Variants in ZNF438 observed in about 807,000 individuals in gnomAD.
ZNF438 encodes zinc finger protein 438.
ZNF438 carries 25 observed loss-of-function variants against 38.0 expected under a neutral mutation model. The ratio of observed to expected loss-of-function variants is 0.66; its 90% CI spans 0.48 to 0.92. The LOEUF (loss-of-function observed/expected upper bound fraction) is 0.92, where lower values mean the gene tolerates loss of function less well. Ranked by LOEUF, ZNF438 falls within the 40% of genes least tolerant of loss-of-function variation. ZNF438 has a pLI of 0.00. For missense variants in ZNF438, 1,007 were observed against 999.6 expected, an observed-to-expected ratio of 1.01 and a Z score of -0.10; for synonymous variants, 372 against 364.1, an observed-to-expected ratio of 1.02 and a Z score of -0.25.
chr10:30,901,127 C>T (rs1378360243), intron 3 of ZNF438, among the ~76,000 whole-genome samples: 2 of 151,482 alleles, frequency 1.3e-5, no homozygotes, highest in Non-Finnish European at 2.9e-5. Flanking sequence ...AGGAAGTCGC[C>T]TTTCTTATAA....
chr10:31,000,593 A>G (rs2054549525), intron 1 of ZNF438, among the ~76,000 whole-genome samples: 1 of 152,134 alleles, frequency 6.6e-6, no homozygotes, highest in African/African-American at 2.4e-5. Context: ...ATGGCTTCTT[A>G]GCTGACCTCA....
intron 1 of ZNF438, among the ~76,000 whole-genome samples, chr10:30,947,204 T>C (rs148384005): frequency 6.4e-4 from 98 of 152,308 alleles, no homozygotes; most frequent in African/African-American, 2.2e-3. Context: ...CATTCTCGAG[T>C]TGAAGGCCAC....
At chr10:30,907,885 C>T (rs956878891) in intron 3 of ZNF438, among the ~76,000 whole-genome samples, 24 of 151,906 alleles carry the variant, frequency 1.6e-4, no homozygotes, top group Non-Finnish European at 3.1e-4. Flanking sequence ...GTTTGCTCTT[C>T]TTTTTCTAGG....
At chr10:30,956,606 C>T (rs1464676901) in intron 1 of ZNF438, among the ~76,000 whole-genome samples, 2 of 152,136 alleles carry the variant, frequency 1.3e-5, no homozygotes, top group African/African-American at 4.8e-5. Context: ...CTACTTTCTA[C>T]TTCTATGAGA....
intron 4 of ZNF438, among the ~76,000 whole-genome samples, chr10:30,866,225 G>A (rs2036411066): frequency 6.6e-6 from 1 of 152,158 alleles, no homozygotes; most frequent in South Asian, 2.1e-4. Context: ...TAGGACTGTT[G>A]TTCTGAGGAC....
At chr10:31,010,019 T>C (rs2055525074) in intron 1 of ZNF438, among the ~76,000 whole-genome samples, 1 of 152,018 alleles carries the variant, frequency 6.6e-6, no homozygotes, top group Non-Finnish European at 1.5e-5. Flanking sequence ...CGGCTAATTT[T>C]TGTATTTTTA....
intron 1 of ZNF438, among the ~76,000 whole-genome samples, chr10:30,948,593 C>T (rs1241540927): frequency 1.8e-4 from 27 of 149,520 alleles, no homozygotes; most frequent in African/African-American, 5.6e-4. Context: ...TCGAGAACTA[C>T]GTGAAGAATG....
rs779119154 is a variant in ZNF438 at position 30,848,644 on chromosome 10, T to C, written c.1761A>G (p.Lys587=). 26 of 1,614,124 alleles carry C rather than the reference T, an allele frequency of 1.6e-5. No individual in the cohort carries two copies. The African/African-American group carries it at 3.3e-4, about 21-fold the overall frequency. Residue 587 remains lysine, a synonymous_variant, in exon 5 of 6, where the codon AAA becomes AAG. Coordinates refer to ENST00000413025, the Ensembl canonical transcript of ZNF438. ...TGCTGATCACAACCCTATGCACTTC[T>C]TTCAGATGGCCAAAATAGACTCGGA...
At chr10:30,935,711 G>C (rs779917102) in intron 2 of ZNF438, among the ~76,000 whole-genome samples, 1 of 152,164 alleles carries the variant, frequency 6.6e-6, no homozygotes, top group Non-Finnish European at 1.5e-5. Context: ...CCATGTAGCT[G>C]GAGAGGCCTC....
chr10:30,949,415 G>T (rs938531329), intron 1 of ZNF438, among the ~76,000 whole-genome samples: 1 of 152,172 alleles, frequency 6.6e-6, no homozygotes, highest in Non-Finnish European at 1.5e-5. Context: ...AACTTTAAAT[G>T]TAAATGGACT....
chr10:31,006,448 G>A lies in ZNF438; in HGVS notation c.-192+25385C>T, dbSNP rs558360061. Reference sequence around the variant, plus strand: ...GCAAATGGTGGTACACCCAGGGAGGGCAAGGGAGTTCCTTGCCCCTTCCAC... The same window carrying A: ...GCAAATGGTGGTACACCCAGGGAGGACAAGGGAGTTCCTTGCCCCTTCCAC... On this transcript the variant is annotated intron_variant, in intron 1 of 5. Transcript: ENST00000413025. Among the ~76,000 whole-genome samples, 6 of 152,220 alleles carry A rather than the reference G, an allele frequency of 3.9e-5. No homozygotes were observed. The East Asian group carries it at 1.2e-3, about 29-fold the overall frequency.
intron 2 of ZNF438, among the ~76,000 whole-genome samples, chr10:30,926,982 A>C (rs1389557343): frequency 6.6e-6 from 1 of 152,244 alleles, no homozygotes; most frequent in African/African-American, 2.4e-5. Flanking sequence ...GAATAAAAAT[A>C]AGGAAACAAA....
chr10:30,928,600 C>A (rs116169011), intron 2 of ZNF438, among the ~76,000 whole-genome samples: 2,160 of 149,936 alleles, frequency 0.014, 59 homozygotes, highest in African/African-American at 0.05. Flanking sequence ...ACCCTGCTAT[C>A]AATTTGAGTA....
intron 4 of ZNF438, chr10:30,857,665 G>A (rs2034892793): frequency 2.7e-6 from 4 of 1,501,760 alleles, no homozygotes; most frequent in Non-Finnish European, 3.6e-6. Context: ...TTTTATATTT[G>A]AATTTGCCAC....
intron 2 of ZNF438, among the ~76,000 whole-genome samples, chr10:30,925,670 A>G (rs935997815): frequency 3.9e-5 from 6 of 152,160 alleles, no homozygotes; most frequent in South Asian, 2.1e-4. Flanking sequence ...GTTCTCCCCA[A>G]TAGAATGTCA....
chr10:30,924,799 G>A (rs924778897), intron 2 of ZNF438, among the ~76,000 whole-genome samples: 1 of 152,184 alleles, frequency 6.6e-6, no homozygotes, highest in Non-Finnish European at 1.5e-5. Context: ...TGAATGCAAT[G>A]TGGTATCCTG....
At chr10:30,962,893 C>G (rs898242620) in intron 1 of ZNF438, among the ~76,000 whole-genome samples, 2 of 152,116 alleles carry the variant, frequency 1.3e-5, no homozygotes, top group Non-Finnish European at 2.9e-5. Context: ...GGTTTCGTTT[C>G]TGTGTGGCAT....
intron 3 of ZNF438, among the ~76,000 whole-genome samples, chr10:30,902,628 G>A (rs1016451647): frequency 2.6e-5 from 4 of 152,154 alleles, no homozygotes; most frequent in Admixed American, 2.6e-4. Flanking sequence ...ACAGAGCGCT[G>A]ATTGGTGCAT....
intron 2 of ZNF438, chr10:30,921,000 T>C (rs1215784499): frequency 2.0e-5 from 3 of 152,222 alleles, no homozygotes; most frequent in Non-Finnish European, 4.4e-5. Flanking sequence ...AACTCAAGCA[T>C]ATAAGATCTT....
Sources: allele counts gnomAD v4.1 joint callset (sites outside exome capture counted in the v4.1 genomes callset), GRCh38; gene constraint gnomAD v4.1.1; transcripts MANE v1.5; gene names NCBI Gene and HGNC (gene_info 2026-07-23, HGNC 2026-07-21).